Variants in TNFRSF9 observed in about 807,000 individuals in gnomAD.
TNFRSF9 encodes the protein TNF receptor superfamily member 9.
A neutral mutation model predicts 28.8 loss-of-function variants in TNFRSF9; 16 were observed. The ratio of observed to expected loss-of-function variants is 0.55; its 90% CI spans 0.38 to 0.84. TNFRSF9 has a LOEUF of 0.84. TNFRSF9 is among the 40% of genes least tolerant of loss of function. The pLI, the probability that TNFRSF9 is intolerant of heterozygous loss-of-function variation, is 0.00. For missense variants in TNFRSF9, 303 were observed against 315.0 expected, an observed-to-expected ratio of 0.96 and a Z score of 0.29; for synonymous variants, 131 against 117.0, an observed-to-expected ratio of 1.12 and a Z score of -0.77.
chr1:7,926,918 T>C (rs566122351), intron 7 of TNFRSF9, among the ~76,000 whole-genome samples: 123 of 152,204 alleles, frequency 8.1e-4, no homozygotes, highest in African/African-American at 2.9e-3. Flanking sequence ...TCACACCTTA[T>C]ACGAAAAATT....
intron 7 of TNFRSF9, among the ~76,000 whole-genome samples, chr1:7,925,649 G>A (rs2151413416): frequency 6.6e-6 from 1 of 152,250 alleles, no homozygotes; most frequent in East Asian, 1.9e-4. Flanking sequence ...CCCTGAGCTT[G>A]TTTTCCTACA....
rs777076640 is a variant in TNFRSF9, at chr1:7,935,031, C to A, written c.526G>T (p.Ala176Ser). ...CAGTTACCTGGCTCTCTCGCAGGGG[C>A]AGGCGGGGTCACAGAGGATGCTCCC... Reference protein sequence around the residue: ...SPGASSVTPPAPAREPGHSPQ... With the variant: ...SPGASSVTPPSPAREPGHSPQ... The change falls in exon 6 of 8, where the codon GCC becomes TCC. Residue 176 changes from alanine (A) to serine (S), a missense_variant. Physicochemically the swap from Ala to Ser is moderately conservative, Grantham distance 99. Transcript: ENST00000377507. 1 of 1,614,220 alleles carries A rather than the reference C, an allele frequency of 6.2e-7. No individual in the cohort carries two copies. The highest frequency in any genetic ancestry group is 8.5e-7 in the Non-Finnish European group (1 of 1,180,030).
intron 5 of TNFRSF9, among the ~76,000 whole-genome samples, chr1:7,936,030 C>T (rs903552383): frequency 2.6e-5 from 4 of 152,140 alleles, no homozygotes; most frequent in African/African-American, 7.2e-5. Flanking sequence ...ACCCCAAATC[C>T]GCCCGTCCTC....
Position 7,938,283 on chromosome 1 carries a change from A to T in TNFRSF9, c.256T>A (p.Cys86Ser). ...CAGTGAAACCCTGGAGTGCAGTCAC[A>T]CTCTGCATTGCTGGTGGAGGAACAC... ...KECSSTSNAECDCTPGFHCLG... is the reference protein window; with the variant it reads ...KECSSTSNAESDCTPGFHCLG... Residue 86 changes from cysteine (C) to serine (S), a missense_variant, in exon 4 of 8, where the codon TGT (cysteine) becomes AGT (serine). Cys to Ser is a moderately radical substitution (Grantham distance 112, BLOSUM62 -1). Coordinates refer to ENST00000377507, the MANE Select transcript of TNFRSF9 (RefSeq NM_001561.6). 6.2e-7 allele frequency: 1 copy of T among 1,609,416 alleles called. No homozygotes were observed. Among genetic ancestry groups the T allele is most frequent in the East Asian group, 2.2e-5 (1 of 44,480 alleles).
chr1:7,928,188 G>A lies in TNFRSF9; in HGVS notation c.679+4974C>T, dbSNP rs1310427691. Among the ~76,000 whole-genome samples, 13 of 152,286 alleles carry A rather than the reference G, an allele frequency of 8.5e-5. No homozygotes were observed. The East Asian group carries it at 1.9e-3, about 23-fold the overall frequency. On this transcript the variant is annotated intron_variant, in intron 7 of 7. Coordinates refer to ENST00000377507, the MANE Select transcript of TNFRSF9 (RefSeq NM_001561.6). ...GCAAGCAAGGATGCAGAGAAACTCC[G>A]ATGAGAATGTAAAATGATACACTTC... is the stretch of plus-strand genomic sequence containing the variant.
rs947938912 is a variant in TNFRSF9, at chr1:7,930,303, G to T, written c.679+2859C>A. On this transcript the variant is annotated intron_variant, in intron 7 of 7. Coordinates refer to ENST00000377507, the MANE Select transcript of TNFRSF9 (RefSeq NM_001561.6). Reference sequence around the variant, plus strand: ...CTTCCCTGACCAGGAATCGAACCCGGGTCGTGATGGCGAGCGCGGAATCCT... The same window carrying T: ...CTTCCCTGACCAGGAATCGAACCCGTGTCGTGATGGCGAGCGCGGAATCCT... 3.3e-5 allele frequency among the ~76,000 whole-genome samples: 5 copies of T among 152,094 alleles called. No homozygotes were observed. In the South Asian group the frequency reaches 1.0e-3, roughly 32 times the overall value.
At chr1:7,936,086 A>G (rs1431821218) in intron 5 of TNFRSF9, among the ~76,000 whole-genome samples, 1 of 152,030 alleles carries the variant, frequency 6.6e-6, no homozygotes, top group African/African-American at 2.4e-5. Flanking sequence ...TCACTTAACA[A>G]CTCTGAAAAA....
chr1:7,934,107 G>A (rs1416942023), intron 6 of TNFRSF9, among the ~76,000 whole-genome samples: 3 of 152,162 alleles, frequency 2.0e-5, no homozygotes, highest in South Asian at 2.1e-4. Context: ...CAGGCGTGGC[G>A]GCTTATGCCT....
Position 7,920,709 on chromosome 1 carries a change from G to T in TNFRSF9, c.*126C>A. On this transcript the variant is annotated 3_prime_UTR_variant, in exon 8 of 8. Transcript: ENST00000377507. ...AACTCATTGGCATTTAGAAAAGAAC[G>T]TGTGTTGGGGGAATCCTGGGTATTA... 1.3e-6 allele frequency: 1 copy of T among 745,150 alleles called. No individual in the cohort carries two copies. The highest frequency in any genetic ancestry group is 2.3e-6 in the Non-Finnish European group (1 of 440,718). The allele number at this position is 745,150 out of a possible 1,614,324, so 46.2% of individuals were successfully genotyped here.
At chr1:7,938,455 T>A in intron 3 of TNFRSF9, 125 bp from the exon 4 acceptor site, 2 of 1,141,330 alleles carry the variant, frequency 1.8e-6, no homozygotes, top group Non-Finnish European at 2.4e-6. Context: ...ATTTTAAAGT[T>A]TACTTTTAAA....
chr1:7,926,302 T>C (rs9658025), intron 7 of TNFRSF9, among the ~76,000 whole-genome samples: 2,450 of 152,320 alleles, frequency 0.016, 236 homozygotes, highest in Admixed American at 0.15. Context: ...TACAGTCACA[T>C]GCCTGACAGG....
intron 7 of TNFRSF9, among the ~76,000 whole-genome samples, chr1:7,930,299 C>T (rs1286923934): frequency 2.0e-5 from 3 of 152,102 alleles, no homozygotes; most frequent in Non-Finnish European, 4.4e-5. Context: ...AGGAATCGAA[C>T]CCGGGTCGTG....
chr1:7,920,851 CCTT>C lies in TNFRSF9; in HGVS notation c.749_751del (p.Glu250del), dbSNP rs774969734. ...ACTTCCATTTCACAGTTCACATCCT[CCTT>C]CTTCTTCTTCTGGAAATCGGCAGCT... is the stretch of plus-strand genomic sequence containing the variant. On this transcript the variant is annotated inframe_deletion, in exon 8 of 8. Transcript: ENST00000377507. 76 of 1,612,508 alleles carry C rather than the reference CCTT, an allele frequency of 4.7e-5. No homozygotes were observed. The highest frequency in any genetic ancestry group is 1.2e-4 in the African/African-American group (9 of 74,904).
chr1:7,927,219 G>A (rs975533884), intron 7 of TNFRSF9, among the ~76,000 whole-genome samples: 2 of 152,170 alleles, frequency 1.3e-5, no homozygotes, highest in African/African-American at 4.8e-5. Flanking sequence ...AAAGTTTGCT[G>A]AGGGACGCTA....
At chr1:7,937,312 A>C (rs895856484) in intron 5 of TNFRSF9, among the ~76,000 whole-genome samples, 3 of 152,152 alleles carry the variant, frequency 2.0e-5, no homozygotes, top group Non-Finnish European at 2.9e-5. Flanking sequence ...GACCACAGGC[A>C]TGTGCCATTA....
At chr1:7,932,705 A>G (rs1045939272) in intron 7 of TNFRSF9, among the ~76,000 whole-genome samples, 4 of 148,394 alleles carry the variant, frequency 2.7e-5, no homozygotes, top group African/African-American at 1.0e-4. Flanking sequence ...ACACACACGC[A>G]CACACACACA....
chr1:7,922,140 C>T (rs1639569672), intron 7 of TNFRSF9: 1 of 152,196 alleles, frequency 6.6e-6, no homozygotes, highest in East Asian at 1.9e-4. Flanking sequence ...TATTTACAGA[C>T]TGGCAAGGCA....
At chr1:7,932,858 T>C (rs758124952) in intron 7 of TNFRSF9, among the ~76,000 whole-genome samples, 89 of 152,270 alleles carry the variant, frequency 5.8e-4, no homozygotes, top group Non-Finnish European at 1.2e-3. Flanking sequence ...TCAGCACTAT[T>C]GACATTTGGG....
intron 5 of TNFRSF9, among the ~76,000 whole-genome samples, 161 bp from the exon 6 acceptor site, chr1:7,935,304 G>A (rs1439677799): frequency 6.6e-6 from 1 of 152,202 alleles, no homozygotes; most frequent in Non-Finnish European, 1.5e-5. Flanking sequence ...ACTTCCACTT[G>A]ACCATCTGGC....
Sources: allele counts gnomAD v4.1 joint callset (sites outside exome capture counted in the v4.1 genomes callset), GRCh38; gene constraint gnomAD v4.1.1; transcripts MANE v1.5; gene names NCBI Gene and HGNC (gene_info 2026-07-23, HGNC 2026-07-21).